HDAC8: variants seen among roughly 807,000 people sequenced by gnomAD.
HDAC8 encodes the protein histone deacetylase-like 1.
A neutral mutation model predicts 32.2 loss-of-function variants in HDAC8; 1 was observed. The ratio of observed to expected loss-of-function variants is 0.03; its 90% confidence interval spans 0.01 to 0.15. The LOEUF (loss-of-function observed/expected upper bound fraction) is 0.15. HDAC8 is among the 10% of genes least tolerant of loss of function. The pLI is 1.00. For synonymous variants in HDAC8, 108 were observed against 113.9 expected (o/e 0.95, Z 0.33); for missense variants, 117 against 300.0 (o/e 0.39, Z 4.51).
chrX:72,559,103 G>A (rs1448979566), intron 4 of HDAC8, among the ~76,000 whole-genome samples: 1 of 67,844 alleles, frequency 1.5e-5, no homozygotes, highest in Non-Finnish European at 2.7e-5. Flanking sequence ...CTCTCTCCAC[G>A]GTCTCCCTCT....
intron 9 of HDAC8, among the ~76,000 whole-genome samples, chrX:72,391,610 C>A (rs1429470507): frequency 8.9e-6 from 1 of 111,752 alleles, no homozygotes; most frequent in African/African-American, 3.2e-5. Flanking sequence ...AAAATCCAAA[C>A]TCAACATTAG....
chrX:72,332,234 T>G lies in HDAC8; in HGVS notation c.1112-2158A>C, dbSNP rs942515285. Among the ~76,000 whole-genome samples, 13 of 112,906 alleles carry G rather than the reference T, an allele frequency of 1.2e-4. No homozygotes were observed. In the East Asian group the frequency reaches 2.2e-3, roughly 19 times the overall value. Reference sequence around the variant, plus strand: ...GTTTTTGGCTATAGAATCAAGCCACTATGAACATTCACATACAGGTTTTTG... The same window carrying G: ...GTTTTTGGCTATAGAATCAAGCCACGATGAACATTCACATACAGGTTTTTG... On this transcript the variant is annotated intron_variant, in intron 10 of 10. Coordinates refer to ENST00000373573, the MANE Select transcript of HDAC8 (RefSeq NM_018486.3).
At chrX:72,537,576 A>G (rs1344822313) in intron 4 of HDAC8, among the ~76,000 whole-genome samples, 2 of 112,224 alleles carry the variant, frequency 1.8e-5, no homozygotes, top group African/African-American at 6.5e-5. Context: ...ATCCACAGAT[A>G]GGGATTCCTG....
At chrX:72,422,505 C>A (rs782012404) in intron 9 of HDAC8, among the ~76,000 whole-genome samples, 127 of 111,510 alleles carry the variant, frequency 1.1e-3, no homozygotes, top group Non-Finnish European at 1.8e-3. Flanking sequence ...AAGTAAAACA[C>A]CTCTCCCAGT....
chrX:72,435,832 G>T (rs1417344604), intron 9 of HDAC8, among the ~76,000 whole-genome samples: 1 of 111,395 alleles, frequency 9.0e-6, no homozygotes, highest in Non-Finnish European at 1.9e-5. Flanking sequence ...GCCAGGCATG[G>T]TGGCACATGC....
At chrX:72,553,101 G>A (rs1287955121) in intron 4 of HDAC8, among the ~76,000 whole-genome samples, 2 of 111,166 alleles carry the variant, frequency 1.8e-5, no homozygotes, top group Non-Finnish European at 3.8e-5. Flanking sequence ...CTGGAGTGCA[G>A]TGGCATGATC....
At chrX:72,384,027 A>C (rs1602644360) in intron 9 of HDAC8, among the ~76,000 whole-genome samples, 1 of 111,354 alleles carries the variant, frequency 9.0e-6, no homozygotes. Context: ...TAGATGGAGA[A>C]ATATAATAAC....
intron 9 of HDAC8, among the ~76,000 whole-genome samples, chrX:72,430,966 C>T (rs1013603721): frequency 2.7e-5 from 3 of 112,010 alleles, no homozygotes; most frequent in Non-Finnish European, 5.6e-5. Flanking sequence ...CTTTCTACTT[C>T]GCTGCCTCTA....
chrX:72,530,537 T>C (rs782006220), intron 4 of HDAC8, among the ~76,000 whole-genome samples: 3 of 109,897 alleles, frequency 2.7e-5, no homozygotes, highest in Non-Finnish European at 5.7e-5. Flanking sequence ...ATGTATATAT[T>C]TGGATTTTCA....
intron 10 of HDAC8, among the ~76,000 whole-genome samples, chrX:72,350,564 C>T (rs2044149520): frequency 8.9e-6 from 1 of 112,067 alleles, no homozygotes; most frequent in Non-Finnish European, 1.9e-5. Context: ...GAGAATTTCC[C>T]TGTCCAGGTT....
chrX:72,359,278 T>A (rs576696572), intron 9 of HDAC8, among the ~76,000 whole-genome samples: 83 of 109,920 alleles, frequency 7.6e-4, no homozygotes, highest in African/African-American at 2.6e-3. Flanking sequence ...TTTTTTTTTT[T>A]AAATCTCTAT....
At chrX:72,498,166 CAA>C (rs71982796) in intron 4 of HDAC8, among the ~76,000 whole-genome samples, 5,316 of 50,685 alleles carry the variant, frequency 0.1, 380 homozygotes, top group African/African-American at 0.25. Context: ...GTTAAAATGG[CAA>C]AAAAAAAAAA....
rs996789579 is a variant in HDAC8, at chrX:72,336,214, G to A, written c.1112-6138C>T. Among the ~76,000 whole-genome samples the A allele has an allele frequency of 5.4e-5, 6 of 111,995 alleles. No homozygotes were observed. In the East Asian group the frequency reaches 1.7e-3, roughly 31 times the overall value. ...GGTGTTGTCACTGCCTTGGATTTTA[G>A]CCATTCTAATAGATATGTAATGGTA... On this transcript the variant is annotated intron_variant, in intron 10 of 10. Coordinates refer to ENST00000373573, the MANE Select transcript of HDAC8 (RefSeq NM_018486.3).
At chrX:72,404,727 G>A in intron 9 of HDAC8, among the ~76,000 whole-genome samples, 1 of 110,977 alleles carries the variant, frequency 9.0e-6, no homozygotes, top group Non-Finnish European at 1.9e-5. Flanking sequence ...TGCTTATTGA[G>A]AAGTCAGCTA....
At chrX:72,488,721 C>T (rs192620510) in intron 7 of HDAC8, among the ~76,000 whole-genome samples, 261 of 111,651 alleles carry the variant, frequency 2.3e-3, no homozygotes, top group Non-Finnish European at 3.7e-3. Flanking sequence ...TGAGTAAGAT[C>T]CAACCTGGAG....
At chrX:72,468,008 G>C in intron 7 of HDAC8, 1 of 1,189,110 alleles carries the variant, frequency 8.4e-7, no homozygotes, top group Non-Finnish European at 1.1e-6. Flanking sequence ...TGATAAAGAG[G>C]GCTCTGGATG....
chrX:72,543,754 G>A (rs2069104499), intron 4 of HDAC8, among the ~76,000 whole-genome samples: 1 of 112,646 alleles, frequency 8.9e-6, no homozygotes, highest in Admixed American at 9.3e-5. Flanking sequence ...CCCCTAAAGG[G>A]TCTGATTCCG....
At chrX:72,428,539 T>G (rs1555976350) in intron 9 of HDAC8, among the ~76,000 whole-genome samples, 1 of 112,211 alleles carries the variant, frequency 8.9e-6, no homozygotes, top group Admixed American at 9.4e-5. Flanking sequence ...AGAGGATGTA[T>G]TCTAATTAAT....
chrX:72,567,353 T>A (rs782640316), intron 4 of HDAC8, among the ~76,000 whole-genome samples: 1 of 111,911 alleles, frequency 8.9e-6, no homozygotes, highest in Admixed American at 9.4e-5. Flanking sequence ...TCCACCTTTT[T>A]AAAAATCTGT....
Sources: allele counts gnomAD v4.1 joint callset (sites outside exome capture counted in the v4.1 genomes callset), GRCh38; gene constraint gnomAD v4.1.1; transcripts MANE v1.5; gene names NCBI Gene and HGNC (gene_info 2026-07-23, HGNC 2026-07-21).